Variants in IQCJ observed in about 807,000 individuals in gnomAD.
The protein encoded by IQCJ is IQ motif containing J.
IQCJ carries 9 observed loss-of-function variants against 11.0 expected under a neutral mutation model. The observed-to-expected ratio is 0.82, with a 90% CI of 0.49 to 1.43. The LOEUF is 1.43. Among genes scored for constraint, IQCJ ranks in the 40% most tolerant of loss-of-function variants. IQCJ has a pLI of 0.00. For synonymous variants in IQCJ, 55 were observed against 51.3 expected, an observed-to-expected ratio of 1.07 and a Z score of -0.31; for missense variants, 146 against 133.2, an observed-to-expected ratio of 1.10 and a Z score of -0.47.
intron 1 of IQCJ, among the ~76,000 whole-genome samples, chr3:159,214,422 C>T (rs1436598467): frequency 1.3e-5 from 2 of 152,192 alleles, no homozygotes; most frequent in African/African-American, 4.8e-5. Context: ...GCTGGAACTA[C>T]TCCAAAAACC....
intron 1 of IQCJ, among the ~76,000 whole-genome samples, chr3:159,207,040 TG>T (rs1724695802): frequency 6.6e-6 from 1 of 152,180 alleles, no homozygotes; most frequent in East Asian, 1.9e-4. Context: ...CCTACTAATT[TG>T]GTTTCTGTAT....
rs1287215022 is a variant in IQCJ, at chr3:159,109,545, A to AAG, written c.9+40105_9+40106insGA. Among the ~76,000 whole-genome samples, 973 of 151,416 alleles carry AAG rather than the reference A, an allele frequency of 6.4e-3. 10 individuals are homozygous for AAG. Among genetic ancestry groups the AAG allele is most frequent in the African/African-American group, 0.022 (922 of 41,078 alleles). ...TATTAACTAAAAAAAAAAAAAAAAA[A>AAG]ACCAGTTGTCATTTTGTTTTGCTTT... On this transcript the variant is annotated intron_variant, in intron 1 of 3. Coordinates refer to ENST00000397832, the MANE Select transcript of IQCJ (RefSeq NM_001042706.3).
chr3:159,118,895 G>A (rs1719186485), intron 1 of IQCJ, among the ~76,000 whole-genome samples: 1 of 152,178 alleles, frequency 6.6e-6, no homozygotes, highest in Non-Finnish European at 1.5e-5. Flanking sequence ...ATCAGGAAAA[G>A]CGACCAGACA....
chr3:159,084,093 G>C (rs1716524462), intron 1 of IQCJ, among the ~76,000 whole-genome samples: 1 of 151,954 alleles, frequency 6.6e-6, no homozygotes, highest in African/African-American at 2.4e-5. Context: ...ATTAAGCTTG[G>C]TGGATTGTAT....
rs141838178 is a variant in IQCJ at position 159,197,309 on chromosome 3, A to G, written c.10-48534A>G. Among the ~76,000 whole-genome samples the G allele has an allele frequency of 2.8e-4, 42 of 152,280 alleles. No individual in the cohort carries two copies. The East Asian group carries it at 6.4e-3, about 23-fold the overall frequency. ...ACCTCCTATTGATTCTGCTTCTTCAAAATTTCCCACATCTGTCATTTCTCC... is the reference window on the plus strand; with the variant it reads ...ACCTCCTATTGATTCTGCTTCTTCAGAATTTCCCACATCTGTCATTTCTCC... On this transcript the variant is annotated intron_variant, in intron 1 of 3. Coordinates refer to ENST00000397832, the MANE Select transcript of IQCJ (RefSeq NM_001042706.3).
At chr3:159,081,893 T>C (rs1008174551) in intron 1 of IQCJ, among the ~76,000 whole-genome samples, 1 of 152,156 alleles carries the variant, frequency 6.6e-6, no homozygotes, top group Admixed American at 6.6e-5. Context: ...ATAAATAATC[T>C]GATCATCTTG....
At chr3:159,082,348 GTT>G (rs60367077) in intron 1 of IQCJ, among the ~76,000 whole-genome samples, 2,332 of 146,100 alleles carry the variant, frequency 0.016, 70 homozygotes, top group African/African-American at 0.055. Flanking sequence ...AACTCTATAA[GTT>G]TTTTTTTTTT....
intron 1 of IQCJ, 64 bp from the exon 2 acceptor site, chr3:159,245,779 T>G: frequency 7.2e-7 from 1 of 1,380,750 alleles, no homozygotes; most frequent in Non-Finnish European, 1.0e-6. Flanking sequence ...ACAGTTATGC[T>G]TGAATAGCAT....
At chr3:159,091,196 C>T (rs1400713859) in intron 1 of IQCJ, among the ~76,000 whole-genome samples, 1 of 151,606 alleles carries the variant, frequency 6.6e-6, no homozygotes, top group African/African-American at 2.4e-5. Context: ...TGCATGAATA[C>T]AGGTGTAGGG....
At chr3:159,206,500 A>G (rs1467574225) in intron 1 of IQCJ, among the ~76,000 whole-genome samples, 1 of 152,130 alleles carries the variant, frequency 6.6e-6, no homozygotes, top group Non-Finnish European at 1.5e-5. Flanking sequence ...CAAGATGTTC[A>G]CCTTGATCTT....
chr3:159,134,965 T>C (rs1720205478), intron 1 of IQCJ, among the ~76,000 whole-genome samples: 1 of 152,176 alleles, frequency 6.6e-6, no homozygotes, highest in Admixed American at 6.5e-5. Flanking sequence ...GGGAAAATGT[T>C]TGGGCACATT....
At chr3:159,123,810 TG>T (rs1262824159) in intron 1 of IQCJ, among the ~76,000 whole-genome samples, 6 of 152,114 alleles carry the variant, frequency 3.9e-5, no homozygotes, top group African/African-American at 1.4e-4. Context: ...TGTGATTTAG[TG>T]GGGTGACAAA....
chr3:159,137,250 A>G (rs1041784864), intron 1 of IQCJ, among the ~76,000 whole-genome samples: 4 of 150,034 alleles, frequency 2.7e-5, no homozygotes, highest in African/African-American at 1.0e-4. Context: ...CAACAGAGTG[A>G]GACTCCATCT....
intron 1 of IQCJ, among the ~76,000 whole-genome samples, chr3:159,213,249 G>A (rs568456827): frequency 4.6e-5 from 7 of 152,140 alleles, no homozygotes; most frequent in East Asian, 1.9e-4. Flanking sequence ...AAACCAGGAG[G>A]CATTCATGAA....
At chr3:159,212,565 C>A (rs752823326) in intron 1 of IQCJ, among the ~76,000 whole-genome samples, 3 of 152,130 alleles carry the variant, frequency 2.0e-5, no homozygotes, top group Non-Finnish European at 4.4e-5. Context: ...CCAATAAGGC[C>A]CTGTGTATAG....
chr3:159,203,566 G>T (rs1163181753), intron 1 of IQCJ, among the ~76,000 whole-genome samples: 1 of 151,930 alleles, frequency 6.6e-6, no homozygotes, highest in Non-Finnish European at 1.5e-5. Context: ...AACTCTAAAG[G>T]TAGCCTCATA....
intron 1 of IQCJ, among the ~76,000 whole-genome samples, chr3:159,216,147 C>T (rs1262885322): frequency 1.3e-5 from 2 of 151,872 alleles, no homozygotes; most frequent in East Asian, 1.9e-4. Context: ...GCTCCCTACA[C>T]TCTTCCCTCC....
chr3:159,157,401 A>T (rs1412652800), intron 1 of IQCJ, among the ~76,000 whole-genome samples: 1 of 151,938 alleles, frequency 6.6e-6, no homozygotes. Flanking sequence ...TTTTCTCATG[A>T]TTGTCTTTAT....
At chr3:159,214,751 T>C (rs1725134578) in intron 1 of IQCJ, among the ~76,000 whole-genome samples, 1 of 152,254 alleles carries the variant, frequency 6.6e-6, no homozygotes, top group Non-Finnish European at 1.5e-5. Flanking sequence ...TCCTGTGAGC[T>C]ACAGGATTTC....
Sources: allele counts gnomAD v4.1 joint callset (sites outside exome capture counted in the v4.1 genomes callset), GRCh38; gene constraint gnomAD v4.1.1; transcripts MANE v1.5; gene names NCBI Gene and HGNC (gene_info 2026-07-23, HGNC 2026-07-21).